Variants in NUDT1 observed in about 807,000 individuals in gnomAD.
NUDT1 encodes oxidized purine nucleoside triphosphate hydrolase.
NUDT1 carries 16 observed loss-of-function variants against 11.3 expected under a neutral mutation model. The observed-to-expected ratio is 1.41, with a 90% CI of 0.96 to 2.15. NUDT1 has a LOEUF of 2.15. NUDT1 is among the 30% of genes most tolerant of loss of function. The pLI, the probability that NUDT1 is intolerant of heterozygous loss-of-function variation, is 0.00. For synonymous variants in NUDT1, 101 were observed against 84.4 expected (o/e 1.20, Z -1.08); for missense variants, 234 against 208.4 (o/e 1.12, Z -0.76).
At chr7:2,249,776 C>A in intron 2 of NUDT1, 81 bp from the exon 3 acceptor site, 2 of 1,575,646 alleles carry the variant, frequency 1.3e-6, no homozygotes, top group Non-Finnish European at 1.7e-6. Context: ...TGTGTAGATG[C>A]CCAGCTCCTC....
In NUDT1 at chr7:2,244,849, T is replaced by C. The variant is rs1256407888; in HGVS notation, c.152+123T>C. 2.7e-6 allele frequency: 3 copies of C among 1,105,298 alleles called. No individual in the cohort carries two copies. The East Asian group carries it at 7.8e-5, about 29-fold the overall frequency. The allele number at this position is 1,105,298 out of a possible 1,614,324, so 68.5% of individuals were successfully genotyped here. A position where few individuals can be genotyped will look rare whatever the true frequency, so the allele number is the denominator to read the frequency against. On this transcript the variant is annotated intron_variant, in intron 2 of 3. Transcript: ENST00000356714. Reference sequence around the variant, plus strand: ...GTGACCTGGAGCAGGGGGTTAAGCGTGAGCCTCAGTGTCTTCATCTCAGAA... The same window carrying C: ...GTGACCTGGAGCAGGGGGTTAAGCGCGAGCCTCAGTGTCTTCATCTCAGAA...
Position 2,244,648 on chromosome 7 carries a change from G to A in NUDT1, c.74G>A (p.Arg25Gln), listed in dbSNP as rs200613809. ...PQRVLLGMKKRGFGAGRWNGF... is the reference protein window; with the variant it reads ...PQRVLLGMKKQGFGAGRWNGF... ...CGAGTTCTCCTGGGCATGAAAAAGC[G>A]AGGCTTCGGGGCCGGCCGGTGGAAT... The change falls in exon 2 of 4, where the codon CGA (arginine) becomes CAA (glutamine). Residue 25 changes from arginine to glutamine, a missense_variant. Coordinates refer to ENST00000356714, the MANE Select transcript of NUDT1 (RefSeq NM_002452.4). The A allele has an allele frequency of 2.7e-5, 43 of 1,613,864 alleles. No individual in the cohort carries two copies. The highest frequency in any genetic ancestry group is 3.4e-5 in the Non-Finnish European group (40 of 1,179,958).
intron 2 of NUDT1, among the ~76,000 whole-genome samples, chr7:2,245,046 T>C (rs1372844220): frequency 6.6e-6 from 1 of 152,116 alleles, no homozygotes; most frequent in Non-Finnish European, 1.5e-5. Flanking sequence ...TGCAGCAGCT[T>C]GAATTGAACC....
intron 2 of NUDT1, among the ~76,000 whole-genome samples, chr7:2,248,547 CTT>C (rs11393832): frequency 0.018 from 2,192 of 122,530 alleles, 70 homozygotes; most frequent in East Asian, 0.11. Flanking sequence ...ATGATGTTTG[CTT>C]TTTTTTTTTT....
At position 2,251,025 on chromosome 7, in the gene NUDT1, G is replaced by C. The variant is rs759429398; in HGVS notation, c.*24G>C. 2 of 1,612,922 alleles carry C rather than the reference G, an allele frequency of 1.2e-6. No homozygotes were observed. The highest frequency in any genetic ancestry group is 1.7e-6 in the Non-Finnish European group (2 of 1,179,524). On this transcript the variant is annotated 3_prime_UTR_variant, in exon 4 of 4. Coordinates refer to ENST00000356714, the MANE Select transcript of NUDT1 (RefSeq NM_002452.4). ...AGCGGGAGCCCAGGGCAGCCCCTGG[G>C]CAGGAGACGTGGCTGCTGAACAGCC...
In NUDT1 at chr7:2,250,990, G is replaced by A; in HGVS notation, c.460G>A (p.Asp154Asn). 1.2e-6 allele frequency: 2 copies of A among 1,613,926 alleles called. No homozygotes were observed. The highest frequency in any genetic ancestry group is 1.7e-6 in the Non-Finnish European group (2 of 1,179,926). ...TILDYTLREVDTV is the reference protein window; with the variant it reads ...TILDYTLREVNTV ...CCTGGACTACACACTCCGCGAGGTGGACACGGTCTAGCGGGAGCCCAGGGC... is the reference window on the plus strand; with the variant it reads ...CCTGGACTACACACTCCGCGAGGTGAACACGGTCTAGCGGGAGCCCAGGGC... Residue 154 changes from aspartate (D) to asparagine (N), a missense_variant, in exon 4 of 4, where the codon GAC (aspartate) becomes AAC (asparagine). By Grantham distance (23) the Asp-to-Asn change is conservative. Coordinates refer to ENST00000356714, the MANE Select transcript of NUDT1 (RefSeq NM_002452.4).
intron 3 of NUDT1, 143 bp downstream of exon 3, chr7:2,250,145 GGCCCATGAGCC>G: frequency 1.8e-6 from 2 of 1,108,160 alleles, no homozygotes; most frequent in Non-Finnish European, 2.6e-6. Flanking sequence ...GCCAGCGTGG[GGCCCATGAGCC>G]GTGGTCTCTG....
chr7:2,250,666 G>A (rs1412809098), intron 3 of NUDT1, among the ~76,000 whole-genome samples, 163 bp from the exon 4 acceptor site: 1 of 113,624 alleles, frequency 8.8e-6, no homozygotes, highest in South Asian at 2.7e-4. Flanking sequence ...CACCGTGTTA[G>A]CCAGGATGGT....
intron 1 of NUDT1, among the ~76,000 whole-genome samples, chr7:2,243,323 C>G (rs902968188): frequency 6.6e-6 from 1 of 152,220 alleles, no homozygotes; most frequent in Non-Finnish European, 1.5e-5. Context: ...TGGGCACAGG[C>G]CTGGGTGTGG....
At position 2,245,259 on chromosome 7, in the gene NUDT1, G is replaced by A. The variant is rs35285207; in HGVS notation, c.152+533G>A. Among the ~76,000 whole-genome samples the A allele has an allele frequency of 2.7e-3, 407 of 152,254 alleles. 5 individuals carry two copies. The highest frequency in any genetic ancestry group is 9.2e-3 in the African/African-American group (384 of 41,532). On this transcript the variant is annotated intron_variant, in intron 2 of 3. Coordinates refer to ENST00000356714, the MANE Select transcript of NUDT1 (RefSeq NM_002452.4). ...CCCAAGATCACACAGTCCTCCAGAC[G>A]CCCCTCAACCCTCACAGGGTAAATG...
chr7:2,244,250 G>A (rs1794676088), intron 1 of NUDT1, among the ~76,000 whole-genome samples: 1 of 152,126 alleles, frequency 6.6e-6, no homozygotes, highest in Middle Eastern at 3.2e-3. Context: ...AGGAGCAAGA[G>A]CACGCTCTGG....
intron 1 of NUDT1, among the ~76,000 whole-genome samples, chr7:2,243,864 G>A (rs1172448428): frequency 1.3e-5 from 2 of 151,378 alleles, no homozygotes; most frequent in Non-Finnish European, 2.9e-5. Flanking sequence ...CGCCCTCAGA[G>A]TCCTCTGGAC....
intron 2 of NUDT1, among the ~76,000 whole-genome samples, chr7:2,246,557 G>A (rs369690977): frequency 2.0e-5 from 3 of 152,034 alleles, no homozygotes; most frequent in East Asian, 1.9e-4. Flanking sequence ...TCCGCTTCTC[G>A]TCCTGCTGGT....
At chr7:2,249,409 T>G in intron 2 of NUDT1, 1 of 231,594 alleles carries the variant, frequency 4.3e-6, no homozygotes, top group Non-Finnish European at 8.7e-6. Context: ...GCCCCGGCGG[T>G]CGTAACTACC....
intron 2 of NUDT1, 115 bp downstream of exon 2, chr7:2,244,841 GT>G: frequency 7.8e-7 from 1 of 1,274,106 alleles, no homozygotes; most frequent in South Asian, 1.4e-5. Flanking sequence ...GGAGCAGGGG[GT>G]TAAGCGTGAG....
chr7:2,248,547 CT>C (rs11393832), intron 2 of NUDT1, among the ~76,000 whole-genome samples: 32,200 of 122,048 alleles, frequency 0.26, 4,438 homozygotes, highest in East Asian at 0.39. Flanking sequence ...ATGATGTTTG[CT>C]TTTTTTTTTT....
rs560974056 is a variant in NUDT1, at chr7:2,242,912, T to C, written c.-13+656T>C. 605 of 708,166 alleles carry C rather than the reference T, an allele frequency of 8.5e-4. 4 individuals are homozygous for C. In the African/African-American group the frequency reaches 9.6e-3, roughly 11 times the overall value. The allele number at this position is 708,166 out of a possible 1,614,324, so 43.9% of individuals were successfully genotyped here. ...GCCTTATCGCAAGGACAGAGGGCTT[T>C]CTGTATCCCTAGGTTTCTTGCCTTG... On this transcript the variant is annotated intron_variant, in intron 1 of 3. Coordinates refer to ENST00000356714, the MANE Select transcript of NUDT1 (RefSeq NM_002452.4).
chr7:2,244,537 ACT>A (rs1491167043), intron 1 of NUDT1, 24 bp from the exon 2 acceptor site: 8 of 1,518,772 alleles, frequency 5.3e-6, no homozygotes, highest in East Asian at 4.6e-5. Flanking sequence ...GTCATGGCTG[ACT>A]CTGCCCTCTC....
intron 2 of NUDT1, 54 bp from the exon 3 acceptor site, chr7:2,249,803 G>C: frequency 6.2e-7 from 1 of 1,603,658 alleles, no homozygotes; most frequent in Non-Finnish European, 8.5e-7. Context: ...GCCATCGTGT[G>C]GGCATGGCAC....
Sources: gnomAD v4.1 joint callset for allele counts (sites outside exome capture counted in the v4.1 genomes callset) on GRCh38, gnomAD v4.1.1 for gene constraint, MANE v1.5 for transcripts, NCBI Gene and HGNC (gene_info 2026-07-23, HGNC 2026-07-21) for gene names.